Variants in ITGB2 observed in about 807,000 individuals in gnomAD.
ITGB2 encodes the protein integrin subunit beta 2.
Under a neutral mutation model 86.8 loss-of-function variants are expected in ITGB2, and 56 were observed. That is an observed-to-expected ratio of 0.65 (90% CI 0.52 to 0.81). ITGB2 has a LOEUF of 0.81. Among genes scored for constraint, ITGB2 ranks in the 30% least tolerant of loss-of-function variants. ITGB2 has a pLI of 0.00. For missense variants in ITGB2, 948 were observed against 1,061.2 expected (o/e 0.89, Z 1.48); for synonymous variants, 457 against 450.4 (o/e 1.01, Z -0.19).
intron 9 of ITGB2, chr21:44,894,690 T>G: frequency 4.2e-6 from 2 of 472,628 alleles, no homozygotes; most frequent in East Asian, 4.1e-5. Context: ...CCCTTCTCCA[T>G]AGAGACCCGC....
intron 14 of ITGB2, among the ~76,000 whole-genome samples, chr21:44,887,833 A>G (rs35871743): frequency 0.074 from 11,314 of 152,240 alleles, 387 homozygotes; most frequent in East Asian, 0.092. Flanking sequence ...AGCTCCAGGC[A>G]TGTCACCTAC....
Position 44,890,065 on chromosome 21 carries a change from C to A in ITGB2, c.1570G>T (p.Val524Phe). ...CGQCLCHTSD[V>F]PGKLIYGQYC... ...TGCCCGTATATCAGCTTGCCGGGGA[C>A]GTCGCTGGTGTGGCACAGGCACTGC... Residue 524 changes from valine to phenylalanine, a missense_variant, in exon 12 of 16, where the codon GTC (valine) becomes TTC (phenylalanine). Val to Phe is a conservative substitution (Grantham distance 50). Transcript: ENST00000652462. 1 of 1,613,500 alleles carries A rather than the reference C, an allele frequency of 6.2e-7. No homozygotes were observed.
intron 8 of ITGB2, among the ~76,000 whole-genome samples, chr21:44,897,635 G>T (rs556558772): frequency 6.6e-6 from 1 of 152,202 alleles, no homozygotes; most frequent in African/African-American, 2.4e-5. Context: ...GGCCTGGGGC[G>T]TCCTGTGGTA....
rs761727899 is a variant in ITGB2 at position 44,901,630 on chromosome 21, C to T, written c.603G>A (p.Pro201=). Residue 201 remains proline (P), a synonymous_variant, in exon 6 of 16, where the codon CCG becomes CCA. Transcript: ENST00000652462. ...GCTTCAGCACGTGCCTGAAGGCAAACGGGGGCTGGCACTCTTTCTCCTTGT... is the reference window on the plus strand; with the variant it reads ...GCTTCAGCACGTGCCTGAAGGCAAATGGGGGCTGGCACTCTTTCTCCTTGT... ...CPNKEKECQP[P]FAFRHVLKLT... 5.1e-5 allele frequency: 82 copies of T among 1,614,152 alleles called. No individual in the cohort carries two copies. Among genetic ancestry groups the T allele is most frequent in the Middle Eastern group, 1.6e-4 (1 of 6,084 alleles).
intron 1 of ITGB2, among the ~76,000 whole-genome samples, chr21:44,912,764 C>T (rs543668226): frequency 4.6e-5 from 7 of 152,190 alleles, no homozygotes; most frequent in Admixed American, 4.6e-4. Flanking sequence ...ATCGGAGGCC[C>T]TGTGCGTGCT....
At chr21:44,902,296 T>C (rs2083971799) in intron 5 of ITGB2, among the ~76,000 whole-genome samples, 1 of 152,246 alleles carries the variant, frequency 6.6e-6, no homozygotes, top group Non-Finnish European at 1.5e-5. Flanking sequence ...CACGTGTGTA[T>C]GACTGTGTGT....
Position 44,885,999 on chromosome 21 carries a change from GTGAT to G in ITGB2, c.*365_*368del, listed in dbSNP as rs1287285144. ...GAAGTTTTATTTTTTTTCTATACAC[GTGAT>G]TGATTAACAATATAATTAATGGGAT... On this transcript the variant is annotated 3_prime_UTR_variant, in exon 16 of 16. Transcript: ENST00000652462. 5 of 330,090 alleles carry G rather than the reference GTGAT, an allele frequency of 1.5e-5. No homozygotes were observed. Among genetic ancestry groups the G allele is most frequent in the African/African-American group, 4.3e-5 (2 of 46,722 alleles). 20.4% of individuals were successfully genotyped at this position (330,090 alleles called of 1,614,324 possible).
At chr21:44,889,956 C>T in intron 12 of ITGB2, 22 bp downstream of exon 12, 6 of 1,612,548 alleles carry the variant, frequency 3.7e-6, no homozygotes, top group Non-Finnish European at 5.1e-6. Context: ...GGCCGTTGTC[C>T]AGCAGGGACC....
chr21:44,908,441 C>T (rs1214059620), intron 3 of ITGB2, among the ~76,000 whole-genome samples: 5 of 152,146 alleles, frequency 3.3e-5, no homozygotes, highest in Non-Finnish European at 5.9e-5. Flanking sequence ...ACCAAAACTA[C>T]TGGTGTTATC....
intron 11 of ITGB2, among the ~76,000 whole-genome samples, chr21:44,891,173 C>T (rs1289919777): frequency 1.3e-5 from 2 of 152,208 alleles, no homozygotes; most frequent in Non-Finnish European, 2.9e-5. Flanking sequence ...GCCATCCAGC[C>T]CCCGGGCAGG....
At position 44,899,025 on chromosome 21, in the gene ITGB2, A is replaced by G. The variant is rs2838728; in HGVS notation, c.993+42T>C. 0.19 allele frequency: 279,401 copies of G among 1,493,452 alleles called. 28,568 individuals carry two copies. Among genetic ancestry groups the G allele is most frequent in the East Asian group, 0.42 (18,461 of 43,992 alleles). 92.5% of individuals were successfully genotyped at this position (1,493,452 alleles called of 1,614,324 possible). On this transcript the variant is annotated intron_variant, in intron 8 of 15. Coordinates refer to ENST00000652462, the MANE Select transcript of ITGB2 (RefSeq NM_000211.5). ...GCTGGGTCTGGCCTGTGGCTGAAACATGCCCCCACCCAATGGATGCTCGGG... is the reference window on the plus strand; with the variant it reads ...GCTGGGTCTGGCCTGTGGCTGAAACGTGCCCCCACCCAATGGATGCTCGGG...
rs1300856212 is a variant in ITGB2 at position 44,920,887 on chromosome 21, C to G, written c.-70G>C. The stretch of plus-strand genomic sequence containing the variant: ...GTGGGGGCTTTGCTACCAGTCTGCC[C>G]TGGGTCACGTCTAGAAACCTCAGCT... On this transcript the variant is annotated 5_prime_UTR_variant, in exon 1 of 16. Transcript: ENST00000652462. The G allele has an allele frequency of 6.6e-6, 1 of 152,600 alleles. No homozygotes were observed. Among genetic ancestry groups the G allele is most frequent in the Non-Finnish European group, 1.5e-5 (1 of 68,362 alleles). 9.5% of individuals were successfully genotyped at this position (152,600 alleles called of 1,614,324 possible). A position where few individuals can be genotyped will look rare whatever the true frequency, so the allele number is the denominator to read the frequency against.
In ITGB2 at chr21:44,886,807, G is replaced by A; in HGVS notation, c.2176C>T (p.Leu726=). The A allele has an allele frequency of 1.2e-6, 2 of 1,613,946 alleles. No homozygotes were observed. The highest frequency in any genetic ancestry group is 1.7e-6 in the Non-Finnish European group (2 of 1,180,022). Residue 726 remains leucine, a synonymous_variant, in exon 15 of 16, where the codon CTG becomes TTG. Transcript: ENST00000652462. ...GILLLVIWKA[L]IHLSDLREYR... is the part of the protein sequence containing the mutation. The stretch of plus-strand genomic sequence containing the variant: ...TCCCGGAGGTCGCTCAGGTGGATCA[G>A]AGCCTTCCAGATGACCAGCAGGAGA...
intron 6 of ITGB2, among the ~76,000 whole-genome samples, 160 bp from the exon 7 acceptor site, chr21:44,900,635 G>A (rs534282669): frequency 1.1e-4 from 16 of 148,268 alleles, no homozygotes; most frequent in African/African-American, 2.9e-4. Flanking sequence ...TCCCCCAGAC[G>A]CCACGCCCAG....
intron 4 of ITGB2, among the ~76,000 whole-genome samples, chr21:44,904,720 C>A (rs1439883121): frequency 2.0e-5 from 3 of 151,732 alleles, no homozygotes; most frequent in Non-Finnish European, 2.9e-5. Context: ...CACATGCATG[C>A]CACACACATA....
At chr21:44,918,421 G>A (rs934275327) in intron 1 of ITGB2, among the ~76,000 whole-genome samples, 1 of 152,252 alleles carries the variant, frequency 6.6e-6, no homozygotes, top group Non-Finnish European at 1.5e-5. Context: ...GACAGACCTG[G>A]GCCTGGCAGG....
chr21:44,899,225 C>T, intron 7 of ITGB2, 63 bp from the exon 8 acceptor site: 3 of 1,194,156 alleles, frequency 2.5e-6, no homozygotes, highest in East Asian at 2.5e-5. Flanking sequence ...AGGTACCCGC[C>T]CCTGTCTGCC....
In ITGB2 at chr21:44,889,455, CG is replaced by C. The variant is rs2083753115; in HGVS notation, c.1697del (p.Pro566ArgfsTer18). On this transcript the variant is annotated frameshift_variant, in exon 13 of 16. Coordinates refer to ENST00000652462, the MANE Select transcript of ITGB2 (RefSeq NM_000211.5). LOFTEE classifies it high-confidence loss of function. ...ACTGGCACGCTGAGCCCTCAAAGCC[CG>C]GGTGGCAGCGGCACTTCCCGCAGAA... Reference protein sequence around the residue: ...LCFCGKCRCHPGFEGSACQCE... With the variant: ...LCFCGKCRCHXGFEGSACQCE... 1.9e-6 allele frequency: 3 copies of C among 1,594,448 alleles called. No homozygotes were observed. Among genetic ancestry groups the C allele is most frequent in the African/African-American group, 1.3e-5 (1 of 74,352 alleles).
At chr21:44,897,565 C>A (rs969404484) in intron 8 of ITGB2, among the ~76,000 whole-genome samples, 1 of 152,210 alleles carries the variant, frequency 6.6e-6, no homozygotes, top group African/African-American at 2.4e-5. Context: ...CGACGCACTG[C>A]CCGCCGGGCA....
Sources: allele counts gnomAD v4.1 joint callset (sites outside exome capture counted in the v4.1 genomes callset), GRCh38; gene constraint gnomAD v4.1.1; transcripts MANE v1.5; gene names NCBI Gene and HGNC (gene_info 2026-07-23, HGNC 2026-07-21).